Variants in DNHD1 observed in about 807,000 individuals in gnomAD.
DNHD1 encodes the protein dynein heavy chain domain-containing protein 1.
Under a neutral mutation model 458.1 loss-of-function variants are expected in DNHD1, and 383 were observed. The observed-to-expected ratio is 0.84, with a 90% CI of 0.77 to 0.91. The LOEUF (loss-of-function observed/expected upper bound fraction) is 0.91, where lower values mean the gene tolerates loss of function less well. Ranked by LOEUF, DNHD1 falls within the 40% of genes least tolerant of loss-of-function variation. DNHD1 has a pLI of 0.00. For synonymous variants in DNHD1, 2,203 were observed against 2,376.9 expected (o/e 0.93, Z 2.13); for missense variants, 5,336 against 5,866.1 (o/e 0.91, Z 2.95).
At position 6,547,680 on chromosome 11, in the gene DNHD1, C is replaced by T. The variant is rs1008976347; in HGVS notation, c.6727+14C>T. 1.5e-5 allele frequency: 22 copies of T among 1,510,582 alleles called. No individual in the cohort carries two copies. In the East Asian group the frequency reaches 1.5e-4, roughly 10 times the overall value. The allele number at this position is 1,510,582 out of a possible 1,614,324, so 93.6% of individuals were successfully genotyped here. A position where few individuals can be genotyped will look rare whatever the true frequency, so the allele number is the denominator to read the frequency against. On this transcript the variant is annotated intron_variant, in intron 21 of 42. Coordinates refer to ENST00000254579, the MANE Select transcript of DNHD1 (RefSeq NM_144666.3). ...CCCCTGGCCCAGGTGGGAAGATGGA[C>T]GGGCTGGTTTGAGAGAGATGGGGCC... is the stretch of plus-strand genomic sequence containing the variant.
rs1264126515 is a variant in DNHD1, at chr11:6,538,484, G to A, written c.3100G>A (p.Glu1034Lys). 7 of 1,551,650 alleles carry A rather than the reference G, an allele frequency of 4.5e-6. No homozygotes were observed. Among genetic ancestry groups the A allele is most frequent in the Admixed American group, 2.0e-5 (1 of 50,994 alleles). The change falls in exon 15 of 43, where the codon GAG (glutamate) becomes AAG (lysine). Residue 1034 changes from glutamate (E) to lysine (K), a missense_variant. Coordinates refer to ENST00000254579, the MANE Select transcript of DNHD1 (RefSeq NM_144666.3). ...CCGAGTCATCTCCGAAAACATCAGCGAGTGGAAGTGCATGGCTTTTGCCAA... is the reference window on the plus strand; with the variant it reads ...CCGAGTCATCTCCGAAAACATCAGCAAGTGGAAGTGCATGGCTTTTGCCAA... ...LYRVISENIS[E>K]WKCMAFAKFS...
intron 10 of DNHD1, among the ~76,000 whole-genome samples, chr11:6,522,101 G>A (rs1589873364): frequency 6.6e-6 from 1 of 152,082 alleles, no homozygotes; most frequent in African/African-American, 2.4e-5. Flanking sequence ...ATGATATTGA[G>A]CTTTTGTTCA....
In DNHD1 at chr11:6,571,905, G is replaced by A. The variant is rs778628028; in HGVS notation, c.14181G>A (p.Met4727Ile). Residue 4727 changes from methionine (M) to isoleucine (I), a missense_variant, in exon 43 of 43, where the codon ATG becomes ATA. Met to Ile is a conservative substitution (Grantham distance 10). This residue lies in a region of DNHD1 where 698 missense variants were observed against 664.9 expected (regional missense o/e 1.05). Transcript: ENST00000254579. This position sits in a 1 kb window ranked among gnomAD's most constrained non-coding sequence, Gnocchi z 5.0. ...AGCTGCAGAGCAGGAACATCGTGATGCATCTGCCTTTACCCACCAAGCTCA... is the reference window on the plus strand; with the variant it reads ...AGCTGCAGAGCAGGAACATCGTGATACATCTGCCTTTACCCACCAAGCTCA... ...TAKLQSRNIV[M>I]HLPLPTKLTP... 4.3e-6 allele frequency: 7 copies of A among 1,614,024 alleles called. No individual in the cohort carries two copies. Among genetic ancestry groups the A allele is most frequent in the Non-Finnish European group, 5.9e-6 (7 of 1,179,894 alleles).
intron 10 of DNHD1, among the ~76,000 whole-genome samples, chr11:6,526,454 T>C (rs1235933571): frequency 1.3e-5 from 2 of 152,224 alleles, no homozygotes; most frequent in Admixed American, 6.5e-5. Flanking sequence ...CTTTGTTTTT[T>C]TCTTATAAAA....
rs139060923 is a variant in DNHD1 at position 6,549,705 on chromosome 11, T to C, written c.7387+772T>C. ...ATCTGTGATAACCATGATTTTATTA[T>C]TGTATGCTTGCCTATCTGTCCCTTT... is the stretch of plus-strand genomic sequence containing the variant. On this transcript the variant is annotated intron_variant, in intron 24 of 42. Transcript: ENST00000254579. Among the ~76,000 whole-genome samples, 299 of 152,380 alleles carry C rather than the reference T, an allele frequency of 2.0e-3. 2 individuals carry two copies. Among genetic ancestry groups the C allele is most frequent in the African/African-American group, 6.5e-3 (272 of 41,588 alleles).
chr11:6,567,909 G>T (rs541232028), intron 36 of DNHD1, 49 bp downstream of exon 36: 3 of 1,510,500 alleles, frequency 2.0e-6, no homozygotes, highest in African/African-American at 1.4e-5. Flanking sequence ...CCTGTGGGCT[G>T]GGGCATGGGG....
Position 6,565,998 on chromosome 11 carries a change from G to A in DNHD1, c.11053+7G>A, listed in dbSNP as rs7947368. ...CAGGAGGCAGCTGCTTGTGGTGAGAGCTGGTCCCCACCCACCCTGGCCCCT... is the reference window on the plus strand; with the variant it reads ...CAGGAGGCAGCTGCTTGTGGTGAGAACTGGTCCCCACCCACCCTGGCCCCT... On this transcript the variant is annotated splice_region_variant and intron_variant, in intron 33 of 42. Transcript: ENST00000254579. 150,173 of 1,550,808 alleles carry A rather than the reference G, an allele frequency of 0.097. 21,601 individuals carry two copies. The highest frequency in any genetic ancestry group is 0.69 in the African/African-American group (49,932 of 72,760).
Position 6,566,681 on chromosome 11 carries a change from C to T in DNHD1, c.11301C>T (p.Cys3767=). 6.2e-7 allele frequency: 1 copy of T among 1,613,266 alleles called. No homozygotes were observed. Among genetic ancestry groups the T allele is most frequent in the South Asian group, 1.1e-5 (1 of 90,826 alleles). The change falls in exon 35 of 43, where the codon TGC becomes TGT. Residue 3767 remains cysteine (C), a synonymous_variant. Coordinates refer to ENST00000254579, the MANE Select transcript of DNHD1 (RefSeq NM_144666.3). ...LEEQMLHEIL[C]REYPELETRW... The stretch of plus-strand genomic sequence containing the variant: ...AACAGATGCTGCATGAAATCTTGTG[C>T]AGAGAGTATCCTGAACTCGAGACCC...
At chr11:6,508,310 AC>A (rs1852266522) in intron 4 of DNHD1, 1 of 153,052 alleles carries the variant, frequency 6.5e-6, no homozygotes, top group Non-Finnish European at 1.5e-5. Context: ...CTTGTCTAGT[AC>A]ATTAGGTTGC....
chr11:6,518,439 A>G (rs1165331758), intron 7 of DNHD1, among the ~76,000 whole-genome samples: 1 of 152,170 alleles, frequency 6.6e-6, no homozygotes, highest in Non-Finnish European at 1.5e-5. Context: ...ATTACGTTCT[A>G]TGGTATTAGC....
chr11:6,551,718 A>AGGTT (rs1853349462), intron 24 of DNHD1, among the ~76,000 whole-genome samples: 6 of 152,186 alleles, frequency 3.9e-5, no homozygotes, highest in East Asian at 3.9e-4. Flanking sequence ...CAAGGAGGGC[A>AGGTT]GATCACGAGG....
chr11:6,513,614 A>G (rs761793162), intron 7 of DNHD1, among the ~76,000 whole-genome samples: 3 of 152,188 alleles, frequency 2.0e-5, no homozygotes, highest in Non-Finnish European at 4.4e-5. Flanking sequence ...TCATTCTTCT[A>G]TTGTGGACAT....
In DNHD1 at chr11:6,520,309, C is replaced by A. The variant is rs531838027; in HGVS notation, c.1837+20C>A. 738 of 1,551,564 alleles carry A rather than the reference C, an allele frequency of 4.8e-4. No homozygotes were observed. The highest frequency in any genetic ancestry group is 6.2e-4 in the Non-Finnish European group (707 of 1,146,956). On this transcript the variant is annotated intron_variant, in intron 10 of 42. Transcript: ENST00000254579. ...CTGAAGGTATTTAGGGAGACCTAGG[C>A]AGGGGGTAGGAAGGCTGAAGGAGGG...
intron 39 of DNHD1, 38 bp from the exon 40 acceptor site, chr11:6,569,971 T>C: frequency 6.4e-7 from 1 of 1,563,970 alleles, no homozygotes; most frequent in East Asian, 2.2e-5. Context: ...AGCATATAGA[T>C]GATATGTGAA....
chr11:6,533,296 A>T, intron 13 of DNHD1, 112 bp downstream of exon 13: 1 of 1,154,186 alleles, frequency 8.7e-7, no homozygotes, highest in Non-Finnish European at 1.2e-6. Context: ...TGATGCTCTT[A>T]AACTGTGCTC....
chr11:6,534,746 G>C (rs1852908118), intron 14 of DNHD1, among the ~76,000 whole-genome samples: 1 of 152,168 alleles, frequency 6.6e-6, no homozygotes, highest in African/African-American at 2.4e-5. Flanking sequence ...AAGGAGACCA[G>C]AGCAAATATA....
At chr11:6,556,044 G>A (rs1016196177) in intron 24 of DNHD1, among the ~76,000 whole-genome samples, 39 of 152,100 alleles carry the variant, frequency 2.6e-4, no homozygotes, top group African/African-American at 9.2e-4. Flanking sequence ...TGGATGGTGC[G>A]ATCAGGGCTC....
At chr11:6,544,356 T>C (rs1853161705) in intron 19 of DNHD1, 110 bp downstream of exon 19, 1 of 1,292,544 alleles carries the variant, frequency 7.7e-7, no homozygotes, top group Non-Finnish European at 1.1e-6. Flanking sequence ...AAGAACACAG[T>C]GAGGACCTCC....
Position 6,557,085 on chromosome 11 carries a change from T to A in DNHD1, c.7790T>A (p.Leu2597Gln), listed in dbSNP as rs1299352302. The change falls in exon 25 of 43, where the codon CTA becomes CAA. Residue 2597 changes from leucine to glutamine, a missense_variant. Coordinates refer to ENST00000254579, the MANE Select transcript of DNHD1 (RefSeq NM_144666.3). ...YHFSLHSVSH[L>Q]LSSLQLLPNR... ...TTCTCCCTACACTCTGTGAGCCACC[T>A]ACTGAGCAGCCTGCAGCTGCTGCCC... is the stretch of plus-strand genomic sequence containing the variant. The A allele has an allele frequency of 1.3e-6, 2 of 1,551,728 alleles. No individual in the cohort carries two copies. Among genetic ancestry groups the A allele is most frequent in the Admixed American group, 2.0e-5 (1 of 51,008 alleles).
Sources: allele counts gnomAD v4.1 joint callset (sites outside exome capture counted in the v4.1 genomes callset), GRCh38; gene constraint gnomAD v4.1.1; regional missense constraint gnomAD v4.1.1; non-coding constraint Gnocchi (gnomAD v3.1); transcripts MANE v1.5; gene names NCBI Gene and HGNC (gene_info 2026-07-23, HGNC 2026-07-21).